ALCAM: variants seen among roughly 807,000 people sequenced by gnomAD.
ALCAM encodes the protein CD166 antigen.
A neutral mutation model predicts 70.9 loss-of-function variants in ALCAM; 30 were observed. The observed-to-expected ratio is 0.42, with a 90% CI of 0.32 to 0.57. ALCAM has a LOEUF of 0.57. Ranked by LOEUF, ALCAM falls within the 20% of genes least tolerant of loss-of-function variation. ALCAM has a pLI of 0.11. For synonymous variants in ALCAM, 249 were observed against 242.5 expected (o/e 1.03, Z -0.25); for missense variants, 591 against 695.1 (o/e 0.85, Z 1.68).
chr3:105,379,906 C>T (rs1305784703), intron 1 of ALCAM, among the ~76,000 whole-genome samples: 1 of 151,634 alleles, frequency 6.6e-6, no homozygotes, highest in African/African-American at 2.4e-5. Context: ...GTTCTTTGTA[C>T]CTTTTGCATA....
At chr3:105,524,245 C>A in intron 2 of ALCAM, 44 bp from the exon 3 acceptor site, 1 of 1,462,542 alleles carries the variant, frequency 6.8e-7, no homozygotes, top group Non-Finnish European at 9.4e-7. Flanking sequence ...CCTGAAACAT[C>A]TGAATATGCT....
At chr3:105,539,031 A>G (rs76226033) in intron 6 of ALCAM, among the ~76,000 whole-genome samples, 1 of 152,168 alleles carries the variant, frequency 6.6e-6, no homozygotes, top group Admixed American at 6.5e-5. Context: ...TAATAAAAAA[A>G]ATAGGTTTTC....
chr3:105,491,216 G>T (rs1253460174), intron 1 of ALCAM, among the ~76,000 whole-genome samples: 1 of 152,148 alleles, frequency 6.6e-6, no homozygotes, highest in Non-Finnish European at 1.5e-5. Context: ...TGAGATTCAG[G>T]ACACCAAGTC....
At chr3:105,572,502 G>A (rs1940880593) in intron 15 of ALCAM, among the ~76,000 whole-genome samples, 1 of 152,132 alleles carries the variant, frequency 6.6e-6, no homozygotes, top group South Asian at 2.1e-4. Context: ...CTTTGGGTTG[G>A]TTCCAAGTCT....
At chr3:105,422,734 T>TAA (rs1358004012) in intron 1 of ALCAM, among the ~76,000 whole-genome samples, 1 of 151,472 alleles carries the variant, frequency 6.6e-6, no homozygotes, top group African/African-American at 2.4e-5. Flanking sequence ...AAGCCACTGA[T>TAA]AATAATGAAA....
intron 14 of ALCAM, chr3:105,553,112 A>G: frequency 6.1e-6 from 6 of 981,550 alleles, no homozygotes; most frequent in Non-Finnish European, 7.3e-6. Context: ...TGTCAACTTG[A>G]GTTTTTAAAA....
At chr3:105,387,425 T>TA (rs869108100) in intron 1 of ALCAM, among the ~76,000 whole-genome samples, 1,503 of 145,590 alleles carry the variant, frequency 0.01, 12 homozygotes, top group African/African-American at 0.028. Context: ...ACTACTAACT[T>TA]AAAAAAAAAA....
chr3:105,441,512 G>A (rs1937169613), intron 1 of ALCAM, among the ~76,000 whole-genome samples: 1 of 152,110 alleles, frequency 6.6e-6, no homozygotes, highest in Non-Finnish European at 1.5e-5. Context: ...AGTCTTCATG[G>A]ATTTTTAGTA....
chr3:105,473,166 T>C (rs1183431580), intron 1 of ALCAM, among the ~76,000 whole-genome samples: 2 of 151,510 alleles, frequency 1.3e-5, no homozygotes, highest in East Asian at 1.9e-4. Flanking sequence ...AATATTGTAA[T>C]GTAAAAAATA....
At position 105,425,284 on chromosome 3, in the gene ALCAM, T is replaced by A. The variant is rs182982647; in HGVS notation, c.73+57803T>A. Among the ~76,000 whole-genome samples, 122 of 151,916 alleles carry A rather than the reference T, an allele frequency of 8.0e-4. 1 individual carries two copies. In the Middle Eastern group the frequency reaches 0.017, roughly 21 times the overall value. ...TGTGCCTCATATGTTTGATGACACA[T>A]TGGTTCTATTTGCTCTGTGTGTGCG... On this transcript the variant is annotated intron_variant, in intron 1 of 15. Coordinates refer to ENST00000306107, the MANE Select transcript of ALCAM (RefSeq NM_001627.4).
chr3:105,530,103 G>A (rs928549227), intron 3 of ALCAM, among the ~76,000 whole-genome samples: 1 of 151,880 alleles, frequency 6.6e-6, no homozygotes, highest in African/African-American at 2.4e-5. Flanking sequence ...TTAACTGCAT[G>A]TATTACATCT....
intron 6 of ALCAM, among the ~76,000 whole-genome samples, chr3:105,538,133 AAT>A (rs2152628415): frequency 6.6e-6 from 1 of 152,234 alleles, no homozygotes; most frequent in African/African-American, 2.4e-5. Context: ...ATTCAGAGGA[AAT>A]ATATATGAAA....
At chr3:105,396,847 G>T (rs1331182841) in intron 1 of ALCAM, among the ~76,000 whole-genome samples, 1 of 151,962 alleles carries the variant, frequency 6.6e-6, no homozygotes, top group East Asian at 1.9e-4. Context: ...TTTGTTAAAT[G>T]TTAGCATGTG....
chr3:105,565,269 C>T (rs543244069), intron 14 of ALCAM, among the ~76,000 whole-genome samples: 5 of 152,296 alleles, frequency 3.3e-5, no homozygotes, highest in Admixed American at 2.0e-4. Context: ...TCCTGGTATA[C>T]ATATATTAGA....
At chr3:105,429,257 C>G (rs1447950972) in intron 1 of ALCAM, among the ~76,000 whole-genome samples, 1 of 152,080 alleles carries the variant, frequency 6.6e-6, no homozygotes, top group Non-Finnish European at 1.5e-5. Context: ...CTGGAGTTCA[C>G]TGTCAAACAG....
chr3:105,548,547 G>A (rs544487110), intron 11 of ALCAM, among the ~76,000 whole-genome samples: 2 of 151,462 alleles, frequency 1.3e-5, no homozygotes, highest in East Asian at 1.9e-4. Context: ...CCCAGCTTAC[G>A]CCATGCAGTT....
chr3:105,415,716 T>A (rs1936491839), intron 1 of ALCAM, among the ~76,000 whole-genome samples: 1 of 152,200 alleles, frequency 6.6e-6, no homozygotes, highest in East Asian at 1.9e-4. Flanking sequence ...TCAAGTTACC[T>A]CCACAGATTT....
intron 1 of ALCAM, among the ~76,000 whole-genome samples, chr3:105,384,111 T>C (rs1935591978): frequency 6.6e-6 from 1 of 151,624 alleles, no homozygotes; most frequent in Admixed American, 6.6e-5. Flanking sequence ...AAAATCTGGT[T>C]TTATTTTTAC....
chr3:105,555,883 G>A (rs1037529685), intron 14 of ALCAM, among the ~76,000 whole-genome samples: 1 of 151,824 alleles, frequency 6.6e-6, no homozygotes, highest in African/African-American at 2.4e-5. Flanking sequence ...CCCAATGGAA[G>A]TTTTTTGTTA....
Sources: allele counts gnomAD v4.1 joint callset (sites outside exome capture counted in the v4.1 genomes callset), GRCh38; gene constraint gnomAD v4.1.1; transcripts MANE v1.5; gene names NCBI Gene and HGNC (gene_info 2026-07-23, HGNC 2026-07-21).